STK39: variants seen among roughly 807,000 people sequenced by gnomAD.
The protein encoded by STK39 is serine/threonine kinase 39.
Under a neutral mutation model 77.8 loss-of-function variants are expected in STK39, and 20 were observed. That is an observed-to-expected ratio of 0.26 (90% confidence interval 0.18 to 0.37). The LOEUF is 0.37. Ranked by LOEUF, STK39 falls within the 10% of genes least tolerant of loss-of-function variation. The pLI is 1.00. For synonymous variants in STK39, 246 were observed against 234.1 expected (o/e 1.05, Z -0.47); for missense variants, 479 against 656.5 (o/e 0.73, Z 2.95).
intron 10 of STK39, among the ~76,000 whole-genome samples, chr2:168,098,803 A>G (rs1405941307): frequency 6.6e-6 from 1 of 152,164 alleles, no homozygotes; most frequent in East Asian, 1.9e-4. Context: ...TCTTCCAACA[A>G]TGTATTAATA....
chr2:167,958,745 C>A (rs891701078), intron 17 of STK39, among the ~76,000 whole-genome samples: 4 of 152,178 alleles, frequency 2.6e-5, no homozygotes, highest in Non-Finnish European at 5.9e-5. Flanking sequence ...GTGGCAATTT[C>A]TTTAATGTTA....
At chr2:167,999,986 G>A (rs1219735413) in intron 16 of STK39, among the ~76,000 whole-genome samples, 3 of 152,190 alleles carry the variant, frequency 2.0e-5, no homozygotes, top group African/African-American at 4.8e-5. Context: ...TCTTCAAGCA[G>A]TCTTTTGGGC....
intron 12 of STK39, among the ~76,000 whole-genome samples, chr2:168,070,827 A>G (rs16854632): frequency 0.02 from 3,114 of 152,216 alleles, 106 homozygotes; most frequent in African/African-American, 0.072. Flanking sequence ...TAGGAACACA[A>G]GGCCAATTTT....
intron 1 of STK39, among the ~76,000 whole-genome samples, chr2:168,235,711 T>C (rs1690586791): frequency 6.6e-6 from 1 of 150,956 alleles, no homozygotes; most frequent in Non-Finnish European, 1.5e-5. Flanking sequence ...GGTGTTTGAT[T>C]TTTTGTCCCT....
chr2:168,132,729 C>T (rs941469290), intron 8 of STK39, among the ~76,000 whole-genome samples: 3 of 152,172 alleles, frequency 2.0e-5, no homozygotes, highest in Non-Finnish European at 2.9e-5. Context: ...CACCATGCTA[C>T]CCACATTCCC....
chr2:168,153,557 C>T (rs1030218201), intron 5 of STK39, among the ~76,000 whole-genome samples: 2 of 151,554 alleles, frequency 1.3e-5, no homozygotes, highest in African/African-American at 2.4e-5. Flanking sequence ...TAGGAGCACA[C>T]CTTGAGAGAG....
At chr2:167,998,686 T>A (rs1173170035) in intron 16 of STK39, among the ~76,000 whole-genome samples, 1 of 152,212 alleles carries the variant, frequency 6.6e-6, no homozygotes, top group Non-Finnish European at 1.5e-5. Flanking sequence ...GATAAAATAA[T>A]TGGATTCAGA....
intron 5 of STK39, among the ~76,000 whole-genome samples, chr2:168,142,509 C>A (rs3820877): frequency 0.19 from 28,814 of 152,074 alleles, 3,525 homozygotes; most frequent in African/African-American, 0.34. Context: ...ACCCTAAAGT[C>A]TCTTCCTAAA....
intron 1 of STK39, among the ~76,000 whole-genome samples, chr2:168,206,438 T>C (rs1689746051): frequency 6.6e-6 from 1 of 152,016 alleles, no homozygotes; most frequent in Non-Finnish European, 1.5e-5. Flanking sequence ...GTCATTGGGA[T>C]TACAAGCGTC....
At chr2:168,010,523 TG>T (rs1684245432) in intron 16 of STK39, among the ~76,000 whole-genome samples, 1 of 152,200 alleles carries the variant, frequency 6.6e-6, no homozygotes, top group Admixed American at 6.5e-5. Context: ...CTCACAAGAT[TG>T]TAAAGGAAAA....
intron 10 of STK39, among the ~76,000 whole-genome samples, chr2:168,124,293 T>C (rs1687484579): frequency 6.6e-6 from 1 of 152,206 alleles, no homozygotes; most frequent in South Asian, 2.1e-4. Flanking sequence ...ATGTTTCCTC[T>C]TCATTCCCTC....
intron 1 of STK39, among the ~76,000 whole-genome samples, chr2:168,185,769 T>C (rs1689193046): frequency 6.6e-6 from 1 of 152,216 alleles, no homozygotes; most frequent in Non-Finnish European, 1.5e-5. Flanking sequence ...AACTTCCTCT[T>C]TGCATTTAGT....
chr2:168,107,346 C>G (rs1190144224), intron 10 of STK39, among the ~76,000 whole-genome samples: 1 of 152,154 alleles, frequency 6.6e-6, no homozygotes, highest in African/African-American at 2.4e-5. Flanking sequence ...CAGGGAAATA[C>G]TTTGAAAGGT....
At chr2:168,012,593 T>G (rs756457952) in intron 16 of STK39, 41 bp downstream of exon 16, 1 of 1,551,618 alleles carries the variant, frequency 6.4e-7, no homozygotes, top group Non-Finnish European at 8.9e-7. Context: ...TTCCATTTTA[T>G]ATACCAACAA....
intron 14 of STK39, among the ~76,000 whole-genome samples, chr2:168,057,292 T>C (rs186315146): frequency 1.1e-3 from 168 of 152,252 alleles, no homozygotes; most frequent in African/African-American, 3.8e-3. Context: ...TCCCGTGTTC[T>C]AGCAATTCTC....
intron 2 of STK39, 62 bp downstream of exon 2, chr2:168,181,916 A>G: frequency 7.0e-7 from 1 of 1,425,322 alleles, no homozygotes; most frequent in Non-Finnish European, 9.9e-7. Context: ...TCTCCCAACC[A>G]TCCCCATATA....
At chr2:168,100,780 A>T (rs1222177535) in intron 10 of STK39, among the ~76,000 whole-genome samples, 3 of 152,206 alleles carry the variant, frequency 2.0e-5, no homozygotes, top group Non-Finnish European at 2.9e-5. Flanking sequence ...TAGTTCAAGC[A>T]TTGTGGAAGA....
intron 5 of STK39, among the ~76,000 whole-genome samples, chr2:168,155,024 C>T (rs1688389790): frequency 6.6e-6 from 1 of 152,168 alleles, no homozygotes; most frequent in South Asian, 2.1e-4. Context: ...TAATGAATTG[C>T]AGGCCCTTAC....
At chr2:168,175,062 A>G (rs972668623) in intron 2 of STK39, among the ~76,000 whole-genome samples, 2 of 152,164 alleles carry the variant, frequency 1.3e-5, no homozygotes, top group Non-Finnish European at 2.9e-5. Flanking sequence ...GCCAGGGAAC[A>G]ACCCTCCTGC....
Sources: allele counts gnomAD v4.1 joint callset (sites outside exome capture counted in the v4.1 genomes callset), GRCh38; gene constraint gnomAD v4.1.1; transcripts MANE v1.5; gene names NCBI Gene and HGNC (gene_info 2026-07-23, HGNC 2026-07-21).